LYST: variants seen among roughly 807,000 people sequenced by gnomAD.
The protein encoded by LYST is lysosomal trafficking regulator.
LYST carries 192 observed loss-of-function variants against 413.6 expected under a neutral mutation model. The observed-to-expected ratio is 0.46, with a 90% confidence interval of 0.41 to 0.52. The LOEUF (loss-of-function observed/expected upper bound fraction) is 0.52, where lower values mean the gene tolerates loss of function less well. Among genes scored for constraint, LYST ranks in the 20% least tolerant of loss-of-function variants. The pLI, the probability that LYST is intolerant of heterozygous loss-of-function variation, is 0.00. For missense variants in LYST, 3,815 were observed against 4,499.9 expected (o/e 0.85, Z 4.35); for synonymous variants, 1,525 against 1,567.3 (o/e 0.97, Z 0.64).
chr1:235,777,754 G>T (rs911206722), intron 16 of LYST, among the ~76,000 whole-genome samples: 1 of 151,922 alleles, frequency 6.6e-6, no homozygotes, highest in Non-Finnish European at 1.5e-5. Context: ...CTCTAAACTA[G>T]ATCTTTCTAC....
At position 235,697,084 on chromosome 1, in the gene LYST, T is replaced by C; in HGVS notation, c.10563A>G (p.Gln3521=). 1 of 1,613,342 alleles carries C rather than the reference T, an allele frequency of 6.2e-7. No homozygotes were observed. Among genetic ancestry groups the C allele is most frequent in the Non-Finnish European group, 8.5e-7 (1 of 1,179,254 alleles). ...GATCTTCGTTACATTTTATTTTACC[T>C]TGTTCCTTGCTATATGTCATCAGAA... The part of the protein sequence containing the change: ...FCLLMTYSKE[Q]GVRSMNSTDI... Residue 3521 remains glutamine, a splice_region_variant and synonymous_variant, in exon 46 of 53, where the codon CAA becomes CAG. Coordinates refer to ENST00000389793, the MANE Select transcript of LYST (RefSeq NM_000081.4).
intron 42 of LYST, among the ~76,000 whole-genome samples, chr1:235,714,302 A>G (rs987914267): frequency 2.6e-5 from 4 of 152,224 alleles, no homozygotes; most frequent in Admixed American, 1.3e-4. Flanking sequence ...CTGCCGTCAA[A>G]TTAACCAAGG....
chr1:235,696,667 A>G (rs973192523), intron 46 of LYST, among the ~76,000 whole-genome samples: 2 of 152,202 alleles, frequency 1.3e-5, no homozygotes, highest in African/African-American at 4.8e-5. Context: ...GTTTTCAGGA[A>G]TACGTGTCTT....
In LYST at chr1:235,788,901, A is replaced by AAT. The variant is rs951598456; in HGVS notation, c.4544-57_4544-56insAT. ...AAAATGGTTCGTAACAACTGAGTAG[A>AAT]AAAGTGAATTTAGAAGAATACAAAG... On this transcript the variant is annotated intron_variant, in intron 12 of 52. Coordinates refer to ENST00000389793, the MANE Select transcript of LYST (RefSeq NM_000081.4). The AAT allele has an allele frequency of 6.6e-6, 10 of 1,525,832 alleles. No homozygotes were observed. The Admixed American group carries it at 1.7e-4, about 26-fold the overall frequency. 94.5% of individuals were successfully genotyped at this position (1,525,832 alleles called of 1,614,324 possible). A position where few individuals can be genotyped will look rare whatever the true frequency, so the allele number is the denominator to read the frequency against.
chr1:235,853,632 G>A (rs1313536069), intron 1 of LYST, among the ~76,000 whole-genome samples: 4 of 151,738 alleles, frequency 2.6e-5, no homozygotes, highest in Non-Finnish European at 5.9e-5. Flanking sequence ...TGCCTATTTC[G>A]CTACCCCTCT....
At chr1:235,821,453 GA>G (rs577688164) in intron 3 of LYST, among the ~76,000 whole-genome samples, 6 of 148,368 alleles carry the variant, frequency 4.0e-5, no homozygotes, top group African/African-American at 7.4e-5. Flanking sequence ...CCTCGAAAAA[GA>G]AAAAAAAAAT....
At chr1:235,838,260 G>C (rs1676791120) in intron 1 of LYST, among the ~76,000 whole-genome samples, 1 of 152,138 alleles carries the variant, frequency 6.6e-6, no homozygotes, top group Admixed American at 6.5e-5. Flanking sequence ...CTTCCTGCCA[G>C]GCTGCCAATG....
At chr1:235,680,425 T>G (rs1247853650) in intron 48 of LYST, among the ~76,000 whole-genome samples, 3 of 150,174 alleles carry the variant, frequency 2.0e-5, no homozygotes, top group Non-Finnish European at 2.9e-5. Flanking sequence ...CAACTACTTT[T>G]TAAATTTTTT....
chr1:235,692,945 T>C (rs555655578), intron 47 of LYST, among the ~76,000 whole-genome samples: 1 of 149,922 alleles, frequency 6.7e-6, no homozygotes, highest in East Asian at 2.0e-4. Flanking sequence ...CACTTGAGTC[T>C]GGGAGGTGGA....
At position 235,752,168 on chromosome 1, in the gene LYST, A is replaced by G. The variant is rs748598186; in HGVS notation, c.7464T>C (p.Ile2488=). 1.9e-6 allele frequency: 3 copies of G among 1,603,386 alleles called. No individual in the cohort carries two copies. In the East Asian group the frequency reaches 6.7e-5, roughly 36 times the overall value. Residue 2488 remains isoleucine (I), a synonymous_variant, in exon 27 of 53, where the codon ATT becomes ATC. Coordinates refer to ENST00000389793, the MANE Select transcript of LYST (RefSeq NM_000081.4). The stretch of plus-strand genomic sequence containing the variant: ...CAAGCAATTTATATTCACTCATGGG[A>G]ATGCTAAAGATAACAACAAAAGAAG... ...VAALNGLEKN[I]PMSEYKLLAC...
rs562214458 is a variant in LYST at position 235,878,981 on chromosome 1, C to A, written n.454+4206G>T. ...GTCTGGGCTGTTAGAGTACCCATCA[C>A]CTGAATAGTGAACATTGTACCCAAC... On this transcript the variant is annotated intron_variant and non_coding_transcript_variant, in intron 1 of 11. Transcript: ENST00000465349. 3.3e-5 allele frequency among the ~76,000 whole-genome samples: 5 copies of A among 152,248 alleles called. No homozygotes were observed. In the East Asian group the frequency reaches 9.6e-4, roughly 29 times the overall value.
chr1:235,697,200 C>T lies in LYST; in HGVS notation c.10447G>A (p.Val3483Ile), dbSNP rs2103085847. 1 of 1,614,158 alleles carries T rather than the reference C, an allele frequency of 6.2e-7. No individual in the cohort carries two copies. Among genetic ancestry groups the T allele is most frequent in the Non-Finnish European group, 8.5e-7 (1 of 1,180,010 alleles). The stretch of plus-strand genomic sequence containing the variant: ...TCTCCGTGGGGCTGGCTGAAGCAGA[C>T]CACAGGTACTGGAGCACTGGGGGAA... ...VGSPSAPVPV[V>I]CFSQPHGERF... Residue 3483 changes from valine to isoleucine, a missense_variant, in exon 46 of 53, where the codon GTC becomes ATC. Around this residue, in one of 4 missense-constraint regions of LYST, gnomAD observed 866 missense variants for 1,156.0 expected, o/e 0.75. Coordinates refer to ENST00000389793, the MANE Select transcript of LYST (RefSeq NM_000081.4).
intron 10 of LYST, among the ~76,000 whole-genome samples, chr1:235,799,971 T>C (rs1167628279): frequency 1.2e-5 from 1 of 83,050 alleles, no homozygotes; most frequent in African/African-American, 5.2e-5. Flanking sequence ...TTTTTTTTTT[T>C]TTTGAGACAG....
At chr1:235,818,177 A>G (rs1292831005) in intron 3 of LYST, among the ~76,000 whole-genome samples, 3 of 152,152 alleles carry the variant, frequency 2.0e-5, no homozygotes, top group South Asian at 2.1e-4. Flanking sequence ...AAAAAGAAAG[A>G]AGGAGAGTGG....
At chr1:235,663,923 C>T in intron 52 of LYST, 61 bp downstream of exon 52, 1 of 1,359,376 alleles carries the variant, frequency 7.4e-7, no homozygotes, top group Non-Finnish European at 1.1e-6. Flanking sequence ...TTAAATACCT[C>T]TCTACGAAAA....
intron 12 of LYST, 67 bp from the exon 13 acceptor site, chr1:235,788,912 T>C (rs1670708862): frequency 6.8e-7 from 1 of 1,463,146 alleles, no homozygotes; most frequent in African/African-American, 1.4e-5. Context: ...AAAGTGAATT[T>C]AGAAGAATAC....
At chr1:235,683,851 C>T (rs1369698394) in intron 48 of LYST, among the ~76,000 whole-genome samples, 1 of 152,154 alleles carries the variant, frequency 6.6e-6, no homozygotes. Flanking sequence ...CTTAGAGATG[C>T]CAGAATAGCA....
intron 1 of LYST, among the ~76,000 whole-genome samples, chr1:235,848,116 A>T (rs928116792): frequency 6.6e-6 from 1 of 152,186 alleles, no homozygotes; most frequent in African/African-American, 2.4e-5. Flanking sequence ...TCTCCAAGAT[A>T]GATCATATGA....
In LYST at chr1:235,664,835, C is replaced by T. The variant is rs1464985353; in HGVS notation, c.11039-214G>A. On this transcript the variant is annotated intron_variant, in intron 50 of 52. Transcript: ENST00000389793. This position sits in a 1 kb window ranked among gnomAD's most constrained non-coding sequence, Gnocchi z 4.5. ...CTTTTGAGACAGAGTCTAACTCTGTCGCCCAGGCTGGAGTGCAGTGGTGTG... is the reference window on the plus strand; with the variant it reads ...CTTTTGAGACAGAGTCTAACTCTGTTGCCCAGGCTGGAGTGCAGTGGTGTG... Among the ~76,000 whole-genome samples the T allele has an allele frequency of 1.3e-5, 2 of 152,154 alleles. No individual in the cohort carries two copies. Among genetic ancestry groups the T allele is most frequent in the Non-Finnish European group, 2.9e-5 (2 of 68,034 alleles).
Sources: gnomAD v4.1 joint callset for allele counts (sites outside exome capture counted in the v4.1 genomes callset) on GRCh38, gnomAD v4.1.1 for gene constraint, gnomAD v4.1.1 regional missense constraint, Gnocchi (gnomAD v3.1) non-coding constraint, MANE v1.5 for transcripts, NCBI Gene and HGNC (gene_info 2026-07-23, HGNC 2026-07-21) for gene names.